TNNI3K: variants seen among roughly 807,000 people sequenced by gnomAD.
The protein encoded by TNNI3K is serine/threonine-protein kinase TNNI3K.
In TNNI3K, 140 loss-of-function variants were observed where a neutral mutation model predicts 114.5. The observed-to-expected ratio is 1.22, with a 90% CI of 1.07 to 1.41. The LOEUF is 1.41. Among genes scored for constraint, TNNI3K ranks in the 40% most tolerant of loss-of-function variants. The pLI is 0.00. For synonymous variants in TNNI3K, 347 were observed against 347.5 expected (o/e 1.00, Z 0.02); for missense variants, 1,125 against 1,007.6 (o/e 1.12, Z -1.58).
chr1:74,272,454 T>C (rs1229305405), intron 5 of TNNI3K, among the ~76,000 whole-genome samples: 2 of 151,816 alleles, frequency 1.3e-5, no homozygotes, highest in African/African-American at 2.4e-5. Flanking sequence ...GATTTAAATA[T>C]ATTGAGAATG....
At position 74,359,535 on chromosome 1, in the gene TNNI3K, C is replaced by A. The variant is rs1034073542; in HGVS notation, c.1177+5406C>A. Among the ~76,000 whole-genome samples, 3 of 151,990 alleles carry A rather than the reference C, an allele frequency of 2.0e-5. 1 individual carries two copies. The East Asian group carries it at 5.8e-4, about 29-fold the overall frequency. The stretch of plus-strand genomic sequence containing the variant: ...GTGTTGTTTTGTTATATTGGTATTT[C>A]TTATTTATGGCTCAAGTTATACCAT... On this transcript the variant is annotated intron_variant, in intron 11 of 24. Transcript: ENST00000326637.
intron 4 of TNNI3K, among the ~76,000 whole-genome samples, chr1:74,257,787 C>A (rs1045310550): frequency 6.6e-6 from 1 of 151,236 alleles, no homozygotes; most frequent in Middle Eastern, 3.4e-3. Context: ...TCTGCCTCAG[C>A]CTCCGGAGTA....
chr1:74,339,997 C>T (rs952050026), intron 7 of TNNI3K, among the ~76,000 whole-genome samples: 2 of 152,012 alleles, frequency 1.3e-5, no homozygotes, highest in African/African-American at 4.8e-5. Flanking sequence ...TAGAACATGT[C>T]CAGCCATAGG....
chr1:74,269,999 TAGAG>T (rs780800683), intron 4 of TNNI3K, among the ~76,000 whole-genome samples: 4 of 151,740 alleles, frequency 2.6e-5, no homozygotes, highest in Non-Finnish European at 4.4e-5. Context: ...GATCTAATCA[TAGAG>T]AGAATGACTA....
chr1:74,409,722 G>A (rs1301234595), intron 17 of TNNI3K, among the ~76,000 whole-genome samples: 1 of 151,982 alleles, frequency 6.6e-6, no homozygotes, highest in Admixed American at 6.6e-5. Flanking sequence ...TCGAACTCCT[G>A]ACCTCAAGTG....
chr1:74,327,665 A>G (rs1341821171), intron 5 of TNNI3K, among the ~76,000 whole-genome samples: 1 of 146,194 alleles, frequency 6.8e-6, no homozygotes, highest in South Asian at 2.1e-4. Flanking sequence ...CAGTACTATT[A>G]TTATTAAATA....
At chr1:74,278,098 T>A (rs1190235207) in intron 5 of TNNI3K, among the ~76,000 whole-genome samples, 2 of 150,340 alleles carry the variant, frequency 1.3e-5, no homozygotes, top group African/African-American at 4.9e-5. Flanking sequence ...AAGGCACAAA[T>A]GACAGAATGC....
intron 6 of TNNI3K, among the ~76,000 whole-genome samples, chr1:74,333,845 C>T (rs928175128): frequency 1.4e-4 from 22 of 152,234 alleles, no homozygotes; most frequent in Admixed American, 5.2e-4. Flanking sequence ...TAGTTTAAAT[C>T]AGTCTATTAT....
At chr1:74,258,947 A>G (rs144997367) in intron 4 of TNNI3K, among the ~76,000 whole-genome samples, 5 of 152,370 alleles carry the variant, frequency 3.3e-5, no homozygotes, top group African/African-American at 1.2e-4. Context: ...TAAACAATCT[A>G]GGTCTACATA....
chr1:74,302,156 G>T (rs1455180051), intron 5 of TNNI3K, among the ~76,000 whole-genome samples: 1 of 152,116 alleles, frequency 6.6e-6, no homozygotes, highest in Non-Finnish European at 1.5e-5. Flanking sequence ...TTCAAACTTT[G>T]TCAATATTAT....
At chr1:74,367,614 G>C (rs1466490398) in intron 12 of TNNI3K, among the ~76,000 whole-genome samples, 1 of 151,874 alleles carries the variant, frequency 6.6e-6, no homozygotes, top group East Asian at 1.9e-4. Flanking sequence ...GACTAGGAAG[G>C]CCTGGATAAG....
At chr1:74,310,857 T>A (rs1450112243) in intron 5 of TNNI3K, among the ~76,000 whole-genome samples, 1 of 152,162 alleles carries the variant, frequency 6.6e-6, no homozygotes, top group African/African-American at 2.4e-5. Context: ...ATGTCTTCTA[T>A]CTTTTAGATA....
chr1:74,274,362 G>A (rs1365841422), intron 5 of TNNI3K, among the ~76,000 whole-genome samples: 2 of 151,918 alleles, frequency 1.3e-5, no homozygotes, highest in Non-Finnish European at 2.9e-5. Context: ...CCATGTATAT[G>A]TGAACTTACA....
chr1:74,374,388 T>A (rs543145429), intron 17 of TNNI3K: 9 of 152,070 alleles, frequency 5.9e-5, no homozygotes, highest in African/African-American at 2.2e-4. Flanking sequence ...ATAGTTGTTA[T>A]TATTTCCATT....
chr1:74,427,012 T>A (rs528569204), intron 17 of TNNI3K, among the ~76,000 whole-genome samples: 4 of 152,116 alleles, frequency 2.6e-5, no homozygotes, highest in Admixed American at 6.6e-5. Context: ...GAATAAGGGA[T>A]CATTTAATGA....
At chr1:74,322,579 A>G (rs1183467934) in intron 5 of TNNI3K, among the ~76,000 whole-genome samples, 3 of 151,262 alleles carry the variant, frequency 2.0e-5, no homozygotes, top group African/African-American at 4.9e-5. Flanking sequence ...TTCTGCTTCA[A>G]CCTCCTGAGT....
chr1:74,490,070 A>C (rs1192182534), intron 22 of TNNI3K, among the ~76,000 whole-genome samples: 4 of 151,142 alleles, frequency 2.6e-5, no homozygotes, highest in East Asian at 3.9e-4. Context: ...AAAAAAAAAA[A>C]AAAAAACTCA....
intron 17 of TNNI3K, among the ~76,000 whole-genome samples, chr1:74,381,390 G>A (rs886508472): frequency 1.3e-5 from 2 of 152,094 alleles, no homozygotes; most frequent in Non-Finnish European, 2.9e-5. Flanking sequence ...AGCATTATTA[G>A]CATTATTTTT....
At chr1:74,459,995 A>G (rs1371296257) in intron 20 of TNNI3K, among the ~76,000 whole-genome samples, 1 of 152,252 alleles carries the variant, frequency 6.6e-6, no homozygotes, top group African/African-American at 2.4e-5. Flanking sequence ...AAAATTAAAC[A>G]AATTAAAAAC....
Sources: allele counts gnomAD v4.1 joint callset (sites outside exome capture counted in the v4.1 genomes callset), GRCh38; gene constraint gnomAD v4.1.1; transcripts MANE v1.5; gene names NCBI Gene and HGNC (gene_info 2026-07-23, HGNC 2026-07-21).